DCLRE1C: variants seen among roughly 807,000 people sequenced by gnomAD.
The protein encoded by DCLRE1C is DNA cross-link repair 1C.
DCLRE1C carries 47 observed loss-of-function variants against 61.4 expected under a neutral mutation model. The observed-to-expected ratio is 0.77, with a 90% CI of 0.61 to 0.98. DCLRE1C has a LOEUF of 0.98. Ranked by LOEUF, DCLRE1C falls within the 50% of genes least tolerant of loss-of-function variation. The pLI, the probability that DCLRE1C is intolerant of heterozygous loss-of-function variation, is 0.00. For missense variants in DCLRE1C, 858 were observed against 816.0 expected (o/e 1.05, Z -0.63); for synonymous variants, 337 against 287.6 (o/e 1.17, Z -1.74).
intron 12 of DCLRE1C, among the ~76,000 whole-genome samples, chr10:14,922,230 C>T (rs973276915): frequency 9.2e-5 from 14 of 152,090 alleles, no homozygotes; most frequent in East Asian, 1.9e-4. Context: ...CACTTGAGCT[C>T]GGGAGTTCGA....
At chr10:14,923,251 C>T in intron 11 of DCLRE1C, 182 bp from the exon 12 acceptor site, 1 of 601,326 alleles carries the variant, frequency 1.7e-6, no homozygotes, top group Non-Finnish European at 3.0e-6. Flanking sequence ...CTGGGCCTCA[C>T]TCCCAAAGAT....
In DCLRE1C at chr10:14,926,817, G is replaced by GT. The variant is rs759017137; in HGVS notation, c.972+25dup. ...GGCTGCAGAACACTGAGCGATAAGG[G>GT]TTATGAGTATATGGGATCCTCTTAC... On this transcript the variant is annotated intron_variant, in intron 11 of 13. Coordinates refer to ENST00000378278, the MANE Select transcript of DCLRE1C (RefSeq NM_001033855.3). The GT allele has an allele frequency of 3.1e-6, 5 of 1,595,678 alleles. No individual in the cohort carries two copies. The South Asian group carries it at 5.5e-5, about 18-fold the overall frequency.
rs892077058 is a variant in DCLRE1C, at chr10:14,904,829, T to C, written c.*3579A>G. On this transcript the variant is annotated 3_prime_UTR_variant, in exon 14 of 14. Coordinates refer to ENST00000378278, the MANE Select transcript of DCLRE1C (RefSeq NM_001033855.3). ...AGAATTTTTCAGTGTAAGACAAATA[T>C]CAAAGGTAATAGATCCAGTTTAAAA... Among the ~76,000 whole-genome samples the C allele has an allele frequency of 2.0e-5, 3 of 152,216 alleles. No individual in the cohort carries two copies. Among genetic ancestry groups the C allele is most frequent in the African/African-American group, 7.2e-5 (3 of 41,472 alleles).
At position 14,908,381 on chromosome 10, in the gene DCLRE1C, T is replaced by G; in HGVS notation, c.*27A>C. 1 of 1,554,184 alleles carries G rather than the reference T, an allele frequency of 6.4e-7. No homozygotes were observed. Among genetic ancestry groups the G allele is most frequent in the African/African-American group, 1.4e-5 (1 of 73,762 alleles). On this transcript the variant is annotated 3_prime_UTR_variant, in exon 14 of 14. Transcript: ENST00000378278. ...ATCTCTGTGCAGGTTTTTTAGTGGT[T>G]GCTCTAGGTTGAAACGCTTTGAATT...
chr10:14,954,160 G>C (rs575909689), upstream of DCLRE1C: 60 of 1,363,550 alleles, frequency 4.4e-5, no homozygotes, highest in African/African-American at 4.6e-4. Flanking sequence ...TCCGGAGACC[G>C]GGGGCAAAGT....
rs1245390098 is a variant in DCLRE1C, at chr10:14,927,156, C to T, written c.918-259G>A. Among the ~76,000 whole-genome samples, 11 of 152,202 alleles carry T rather than the reference C, an allele frequency of 7.2e-5. 1 individual carries two copies. In the East Asian group the frequency reaches 9.7e-4, roughly 13 times the overall value. ...CAGCACTATGGGAGGCCGACGCGTACGGATTGCCTGAGCTCAGGAGTTCGA... is the reference window on the plus strand; with the variant it reads ...CAGCACTATGGGAGGCCGACGCGTATGGATTGCCTGAGCTCAGGAGTTCGA... On this transcript the variant is annotated intron_variant, in intron 10 of 13. Transcript: ENST00000378278.
intron 2 of DCLRE1C, chr10:14,947,567 CT>C (rs1470354947): frequency 6.6e-6 from 1 of 152,356 alleles, no homozygotes; most frequent in Non-Finnish European, 1.5e-5. Flanking sequence ...CTGTGTGACA[CT>C]GGGCAACTAA....
At chr10:14,924,676 G>A (rs1429145076) in intron 11 of DCLRE1C, among the ~76,000 whole-genome samples, 11 of 151,814 alleles carry the variant, frequency 7.2e-5, no homozygotes, top group African/African-American at 1.7e-4. Flanking sequence ...GTGAAACCCC[G>A]TCTCTACTAA....
At chr10:14,931,485 G>C (rs1215444794) in intron 9 of DCLRE1C, among the ~76,000 whole-genome samples, 1 of 152,134 alleles carries the variant, frequency 6.6e-6, no homozygotes, top group Non-Finnish European at 1.5e-5. Flanking sequence ...TTGAATGTGG[G>C]AGGCAGAGCT....
chr10:14,902,827 T>C (rs906480092), downstream of DCLRE1C: 4 of 166,828 alleles, frequency 2.4e-5, no homozygotes, highest in Admixed American at 2.4e-4. Context: ...TTGAAAGCGT[T>C]AAGCTGATAA....
rs919860514 is a variant in DCLRE1C, at chr10:14,898,202, C to CTTTTTTTTTTTTTT, written c.*948_*961dup. On this transcript the variant is annotated 3_prime_UTR_variant, in exon 14 of 14. Transcript: ENST00000378289. ...AAAACTCAGTGAGGTAGTACTGTTT[C>CTTTTTTTTTTTTTT]TTTTTTTTTTTTTTTTTTTTTTTTT... 1.2e-3 allele frequency: 67 copies of CTTTTTTTTTTTTTT among 56,152 alleles called. 4 individuals carry two copies. Among genetic ancestry groups the CTTTTTTTTTTTTTT allele is most frequent in the African/African-American group, 1.5e-3 (21 of 14,150 alleles). The allele number at this position is 56,152 out of a possible 1,614,324, so 3.5% of individuals were successfully genotyped here.
At chr10:14,902,900 A>G (rs1287971612), downstream of DCLRE1C, 1 of 154,558 alleles carries the variant, frequency 6.5e-6, no homozygotes, top group Non-Finnish European at 1.4e-5. Context: ...ATTCGGAGAA[A>G]CAGTTAATTT....
intron 1 of DCLRE1C, 38 bp downstream of exon 1, chr10:14,953,864 A>G (rs557591557): frequency 1.2e-6 from 2 of 1,612,000 alleles, no homozygotes; most frequent in African/African-American, 1.3e-5. Flanking sequence ...TCCAGCCCCC[A>G]GCGCCCCGGG....
At chr10:14,930,270 C>T (rs1838747703) in intron 9 of DCLRE1C, among the ~76,000 whole-genome samples, 1 of 145,968 alleles carries the variant, frequency 6.9e-6, no homozygotes, top group Non-Finnish European at 1.5e-5. Context: ...CACCACCACA[C>T]TCAGCACCTT....
chr10:14,946,750 T>C (rs921357303), intron 2 of DCLRE1C, among the ~76,000 whole-genome samples: 2 of 152,042 alleles, frequency 1.3e-5, no homozygotes, highest in African/African-American at 4.8e-5. Context: ...CCTGAGCACC[T>C]GGGACTACAG....
downstream of DCLRE1C, chr10:14,904,087 G>C (rs1012589844): frequency 1.3e-5 from 2 of 152,066 alleles, no homozygotes; most frequent in African/African-American, 2.4e-5. Flanking sequence ...GGAGGATCAC[G>C]TGAGGTCGGG....
intron 13 of DCLRE1C, among the ~76,000 whole-genome samples, chr10:14,915,208 C>T (rs1835973163): frequency 6.6e-6 from 1 of 151,982 alleles, no homozygotes; most frequent in Non-Finnish European, 1.5e-5. Context: ...AAATCAACGA[C>T]CTCAGCTTCC....
rs1013537366 is a variant in DCLRE1C, at chr10:14,909,238, A to C, written c.1249T>G (p.Ser417Ala). 2 of 1,613,924 alleles carry C rather than the reference A, an allele frequency of 1.2e-6. No homozygotes were observed. The highest frequency in any genetic ancestry group is 1.7e-6 in the Non-Finnish European group (2 of 1,179,954). Residue 417 changes from serine to alanine, a missense_variant, in exon 14 of 14, where the codon TCA (serine) becomes GCA (alanine). This residue lies in a region of DCLRE1C where 843 missense variants were observed against 783.5 expected (regional missense o/e 1.08). Transcript: ENST00000378278. ...YPETFHPEVFSMTAVSEKQPE... is the reference protein window; with the variant it reads ...YPETFHPEVFAMTAVSEKQPE... ...TGCTTTTCTGATACTGCAGTCATTG[A>C]AAATACCTCAGGGTGAAAAGTTTCC...
chr10:14,947,567 C>T (rs1157974846), intron 2 of DCLRE1C: 1 of 152,356 alleles, frequency 6.6e-6, no homozygotes, highest in Non-Finnish European at 1.5e-5. Flanking sequence ...CTGTGTGACA[C>T]TGGGCAACTA....
Sources: gnomAD v4.1 joint callset for allele counts (sites outside exome capture counted in the v4.1 genomes callset) on GRCh38, gnomAD v4.1.1 for gene constraint, gnomAD v4.1.1 regional missense constraint, MANE v1.5 for transcripts, NCBI Gene and HGNC (gene_info 2026-07-23, HGNC 2026-07-21) for gene names.